Variants in PCDHA1 observed in about 807,000 individuals in gnomAD.
The protein encoded by PCDHA1 is protocadherin alpha 1.
PCDHA1 carries 42 observed loss-of-function variants against 61.3 expected under a neutral mutation model. The ratio of observed to expected loss-of-function variants is 0.69; its 90% CI spans 0.54 to 0.89. PCDHA1 has a LOEUF of 0.89. Ranked by LOEUF, PCDHA1 falls within the 40% of genes least tolerant of loss-of-function variation. The pLI is 0.00. For missense variants in PCDHA1, 1,256 were observed against 1,235.3 expected (o/e 1.02, Z -0.25); for synonymous variants, 610 against 553.8 (o/e 1.10, Z -1.43).
intron 1 of PCDHA1, among the ~76,000 whole-genome samples, chr5:140,872,413 G>A (rs2053647330): frequency 6.6e-6 from 1 of 151,990 alleles, no homozygotes; most frequent in Admixed American, 6.6e-5. Flanking sequence ...AATTGCTTGA[G>A]CCCAAGAGTT....
chr5:140,862,692 G>C, intron 1 of PCDHA1: 1 of 555,502 alleles, frequency 1.8e-6, no homozygotes, highest in Non-Finnish European at 3.6e-6. Flanking sequence ...TGTCCTACTC[G>C]TTGATGGAAC....
chr5:140,852,811 G>A (rs2150522776), intron 1 of PCDHA1: 7 of 973,542 alleles, frequency 7.2e-6, no homozygotes, highest in East Asian at 1.1e-4. Flanking sequence ...TTTGTCTCCC[G>A]CCCTAAGTCC....
At chr5:140,819,602 A>C (rs2150104699) in intron 1 of PCDHA1, among the ~76,000 whole-genome samples, 21 of 152,236 alleles carry the variant, frequency 1.4e-4, no homozygotes, top group African/African-American at 5.1e-4. Context: ...TTTCCTGTGG[A>C]GTCTCCCATG....
Position 141,011,146 on chromosome 5 carries a change from C to T in PCDHA1, c.*1209C>T, listed in dbSNP as rs1180133019. On this transcript the variant is annotated 3_prime_UTR_variant, in exon 4 of 4. Transcript: ENST00000504120. ...TATGTGCACTTTGATACACAACCTT[C>T]TCTAACCAACTATATATCAAGACCC... The T allele has an allele frequency of 6.5e-6, 1 of 153,746 alleles. No individual in the cohort carries two copies. The highest frequency in any genetic ancestry group is 2.1e-4 in the South Asian group (1 of 4,824). The allele number at this position is 153,746 out of a possible 1,614,324, so 9.5% of individuals were successfully genotyped here.
intron 1 of PCDHA1, among the ~76,000 whole-genome samples, chr5:140,891,171 A>T (rs1221936185): frequency 1.3e-5 from 2 of 151,478 alleles, no homozygotes; most frequent in African/African-American, 4.9e-5. Flanking sequence ...TGCTTTTCAG[A>T]TTTTCTGTGT....
chr5:140,786,543 T>A lies in PCDHA1; in HGVS notation c.253T>A (p.Phe85Ile), dbSNP rs868987580. The change falls in exon 1 of 4, where the codon TTT becomes ATT. Residue 85 changes from phenylalanine (F) to isoleucine (I), a missense_variant. Transcript: ENST00000504120. The part of the protein sequence containing the change: ...LEVNLQNGIL[F>I]VNSRIDREEL... ...GGTAAATCTGCAGAATGGCATTTTG[T>A]TTGTGAATTCTCGGATCGATCGCGA... 6.2e-7 allele frequency: 1 copy of A among 1,614,182 alleles called. No individual in the cohort carries two copies. The highest frequency in any genetic ancestry group is 1.7e-4 in the Middle Eastern group (1 of 6,050).
At chr5:140,876,684 C>T (rs973560970) in intron 1 of PCDHA1, 29 of 1,614,110 alleles carry the variant, frequency 1.8e-5, no homozygotes, top group Admixed American at 3.3e-5. Flanking sequence ...ACAAGAATTA[C>T]TACTCGTTGG....
chr5:140,839,534 C>T (rs1554137499), intron 1 of PCDHA1, among the ~76,000 whole-genome samples: 2 of 151,968 alleles, frequency 1.3e-5, no homozygotes, highest in Non-Finnish European at 2.9e-5. Flanking sequence ...GGACTATAGG[C>T]ACACACCACC....
chr5:140,915,006 C>A (rs958050012), intron 1 of PCDHA1, among the ~76,000 whole-genome samples: 2 of 149,102 alleles, frequency 1.3e-5, no homozygotes, highest in African/African-American at 5.0e-5. Flanking sequence ...AGTGCAGTGG[C>A]CTGATCTTGG....
intron 3 of PCDHA1, among the ~76,000 whole-genome samples, chr5:141,000,421 ATTTTTTTT>A (rs34755515): frequency 1.4e-4 from 4 of 27,978 alleles, no homozygotes; most frequent in African/African-American, 7.1e-4. Flanking sequence ...ATATATATAT[ATTTTTTTT>A]TTTTTTTTTT....
At chr5:140,869,226 C>T (rs1428940405) in intron 1 of PCDHA1, 5 of 1,613,644 alleles carry the variant, frequency 3.1e-6, no homozygotes, top group African/African-American at 1.3e-5. Context: ...AGGCCAAACA[C>T]GGCACCTTCG....
chr5:140,822,799 G>A, intron 1 of PCDHA1: 1 of 1,614,160 alleles, frequency 6.2e-7, no homozygotes, highest in Middle Eastern at 1.6e-4. Flanking sequence ...ACTCCTGGAT[G>A]TGAATGATAA....
intron 1 of PCDHA1, chr5:140,882,820 C>G (rs782663593): frequency 1.2e-6 from 2 of 1,614,102 alleles, no homozygotes; most frequent in African/African-American, 2.7e-5. Flanking sequence ...ACGCACAAAA[C>G]AGTCTTGAGC....
chr5:140,869,525 T>C, intron 1 of PCDHA1: 2 of 1,614,200 alleles, frequency 1.2e-6, no homozygotes, highest in Admixed American at 1.7e-5. Context: ...CAAAAGCTGC[T>C]GATTGCGGAA....
intron 3 of PCDHA1, among the ~76,000 whole-genome samples, chr5:140,994,381 C>T (rs1339661887): frequency 6.6e-6 from 1 of 152,086 alleles, no homozygotes; most frequent in East Asian, 1.9e-4. Context: ...ATTCAGGGGA[C>T]TAAGTCAGAG....
chr5:140,966,543 A>G lies in PCDHA1; in HGVS notation c.2395-12406A>G, dbSNP rs200134570. 641 of 461,190 alleles carry G rather than the reference A, an allele frequency of 1.4e-3. 4 individuals carry two copies. The highest frequency in any genetic ancestry group is 0.011 in the African/African-American group (555 of 49,108). The allele number at this position is 461,190 out of a possible 1,614,324, so 28.6% of individuals were successfully genotyped here. ...AGCCGAGCCGGGTTGAGCGACTCGGAGGCGAGCGGAGGAGCTGGAATATGG... is the reference window on the plus strand; with the variant it reads ...AGCCGAGCCGGGTTGAGCGACTCGGGGGCGAGCGGAGGAGCTGGAATATGG... On this transcript the variant is annotated intron_variant, in intron 1 of 3. Coordinates refer to ENST00000504120, the MANE Select transcript of PCDHA1 (RefSeq NM_018900.4).
At chr5:140,805,101 CTA>C (rs782463521) in intron 1 of PCDHA1, 1 of 1,592,070 alleles carries the variant, frequency 6.3e-7, no homozygotes, top group South Asian at 1.1e-5. Flanking sequence ...CCTCTTGAAA[CTA>C]TTGTCTAACA....
At chr5:140,799,305 A>G (rs1762414398) in intron 1 of PCDHA1, among the ~76,000 whole-genome samples, 1 of 152,140 alleles carries the variant, frequency 6.6e-6, no homozygotes, top group African/African-American at 2.4e-5. Flanking sequence ...TGCAATTAGT[A>G]TAACTCTTAA....
chr5:140,879,895 G>A (rs1176160335), intron 1 of PCDHA1, among the ~76,000 whole-genome samples: 2 of 152,112 alleles, frequency 1.3e-5, no homozygotes, highest in African/African-American at 4.8e-5. Context: ...TCCTCTCCAT[G>A]TCTCTCTCTA....
Sources: gnomAD v4.1 joint callset for allele counts (sites outside exome capture counted in the v4.1 genomes callset) on GRCh38, gnomAD v4.1.1 for gene constraint, MANE v1.5 for transcripts, NCBI Gene and HGNC (gene_info 2026-07-23, HGNC 2026-07-21) for gene names.